The following AK7 variants were observed in gnomAD, a reference collection of about 807,000 sequenced individuals.
AK7 encodes adenylate kinase 7.
Under a neutral mutation model 96.6 loss-of-function variants are expected in AK7, and 78 were observed. The ratio of observed to expected loss-of-function variants is 0.81; its 90% confidence interval spans 0.67 to 0.97. The LOEUF (loss-of-function observed/expected upper bound fraction) is 0.97, where lower values mean the gene tolerates loss of function less well. AK7 is among the 50% of genes least tolerant of loss of function. AK7 has a pLI of 0.00. For missense variants in AK7, 855 were observed against 887.9 expected (o/e 0.96, Z 0.47); for synonymous variants, 302 against 317.2 (o/e 0.95, Z 0.51).
intron 5 of AK7, chr14:96,424,069 G>GGTCT (rs1891873168): frequency 9.8e-6 from 7 of 716,960 alleles, no homozygotes; most frequent in Non-Finnish European, 1.6e-5. Flanking sequence ...AATGCTGGTG[G>GGTCT]GTCTGTTCTT....
intron 12 of AK7, among the ~76,000 whole-genome samples, chr14:96,467,168 C>T (rs1894616944): frequency 6.6e-6 from 1 of 151,588 alleles, no homozygotes; most frequent in Non-Finnish European, 1.5e-5. Context: ...ATATTTTAAA[C>T]AAGTCCGTTG....
At chr14:96,477,489 C>G (rs1895252098) in intron 14 of AK7, among the ~76,000 whole-genome samples, 1 of 152,218 alleles carries the variant, frequency 6.6e-6, no homozygotes, top group Admixed American at 6.5e-5. Context: ...ATCTGGGCAC[C>G]AGTATACCCT....
chr14:96,393,298 C>T (rs965645933), intron 1 of AK7, among the ~76,000 whole-genome samples: 5 of 152,232 alleles, frequency 3.3e-5, no homozygotes, highest in African/African-American at 1.2e-4. Flanking sequence ...CTAATGACTG[C>T]ACTTTCGAAC....
intron 4 of AK7, among the ~76,000 whole-genome samples, chr14:96,415,579 T>C (rs1482375202): frequency 5.9e-5 from 9 of 151,952 alleles, no homozygotes; most frequent in Non-Finnish European, 1.2e-4. Context: ...TTAGGAACAC[T>C]ACTTATGGGA....
rs796802262 is a variant in AK7, at chr14:96,415,541, C to T, written c.499-5281C>T. ...CAAAGAAAAAACAGCAGAGGCAGGC[C>T]AGCCCATGGTGCCTGGAGCCACCCG... On this transcript the variant is annotated intron_variant, in intron 4 of 17. Transcript: ENST00000267584. 2.0e-5 allele frequency among the ~76,000 whole-genome samples: 3 copies of T among 151,820 alleles called. No individual in the cohort carries two copies. In the East Asian group the frequency reaches 5.8e-4, roughly 29 times the overall value.
intron 10 of AK7, among the ~76,000 whole-genome samples, chr14:96,454,342 A>T (rs1355893864): frequency 6.6e-6 from 1 of 152,002 alleles, no homozygotes; most frequent in Non-Finnish European, 1.5e-5. Context: ...TATGTTACTG[A>T]TATTTTGACC....
chr14:96,438,036 G>T, intron 6 of AK7, 121 bp downstream of exon 6: 2 of 708,334 alleles, frequency 2.8e-6, no homozygotes, highest in Non-Finnish European at 4.6e-6. Flanking sequence ...GAAGATGAAG[G>T]CAAGTATGGA....
chr14:96,394,327 T>C (rs1889931628), intron 1 of AK7, among the ~76,000 whole-genome samples: 1 of 152,208 alleles, frequency 6.6e-6, no homozygotes, highest in Non-Finnish European at 1.5e-5. Context: ...ATGAGACTTT[T>C]AGGGGCCCAC....
At chr14:96,415,539 G>T (rs966732423) in intron 4 of AK7, among the ~76,000 whole-genome samples, 15 of 151,742 alleles carry the variant, frequency 9.9e-5, no homozygotes, top group Non-Finnish European at 1.6e-4. Flanking sequence ...GCAGAGGCAG[G>T]CCAGCCCATG....
At chr14:96,485,826 T>G (rs1475617065) in intron 16 of AK7, among the ~76,000 whole-genome samples, 3 of 150,272 alleles carry the variant, frequency 2.0e-5, no homozygotes, top group Admixed American at 2.0e-4. Context: ...GACGGAGTCT[T>G]GCTCTGTCGC....
At chr14:96,412,226 CTTTTTT>C (rs34331496) in intron 4 of AK7, among the ~76,000 whole-genome samples, 2 of 121,018 alleles carry the variant, frequency 1.7e-5, no homozygotes, top group African/African-American at 3.2e-5. Flanking sequence ...TTCTTTCTTT[CTTTTTT>C]TTTTTTTTTT....
In AK7 at chr14:96,400,100, G is replaced by A. The variant is rs562087407; in HGVS notation, c.294+1837G>A. Among the ~76,000 whole-genome samples the A allele has an allele frequency of 1.5e-4, 22 of 142,718 alleles. 1 individual carries two copies. The South Asian group carries it at 5.1e-3, about 33-fold the overall frequency. The allele number at this position is 142,718 out of a possible 152,430, so 93.6% of individuals were successfully genotyped here. Reference sequence around the variant, plus strand: ...GTTGCCCAGACTGAAGTGCAGTGGCGCGATCTCGGCTTACTGCAACCTTCG... The same window carrying A: ...GTTGCCCAGACTGAAGTGCAGTGGCACGATCTCGGCTTACTGCAACCTTCG... On this transcript the variant is annotated intron_variant, in intron 2 of 17. Coordinates refer to ENST00000267584, the MANE Select transcript of AK7 (RefSeq NM_152327.5).
intron 12 of AK7, among the ~76,000 whole-genome samples, chr14:96,464,709 C>CTAT (rs150667492): frequency 0.024 from 3,722 of 152,152 alleles, 58 homozygotes; most frequent in Non-Finnish European, 0.031. Context: ...TACAAGTGTA[C>CTAT]TATTATCTTT....
chr14:96,457,995 GC>G, intron 11 of AK7, 87 bp from the exon 12 acceptor site: 1 of 1,557,404 alleles, frequency 6.4e-7, no homozygotes, highest in Non-Finnish European at 8.7e-7. Context: ...TGGATCCCAA[GC>G]TTTTTCCAGG....
intron 12 of AK7, among the ~76,000 whole-genome samples, chr14:96,468,784 T>G (rs1894725896): frequency 6.6e-6 from 1 of 152,160 alleles, no homozygotes; most frequent in South Asian, 2.1e-4. Context: ...GAATATGTGT[T>G]CATATGAACA....
intron 15 of AK7, among the ~76,000 whole-genome samples, chr14:96,479,856 T>C (rs1002360240): frequency 6.6e-6 from 1 of 152,162 alleles, no homozygotes; most frequent in Non-Finnish European, 1.5e-5. Context: ...CTCCAGGGGC[T>C]GCTCTCTACC....
intron 12 of AK7, among the ~76,000 whole-genome samples, chr14:96,465,013 G>GATCCA (rs1370637295): frequency 6.6e-6 from 1 of 152,168 alleles, no homozygotes; most frequent in African/African-American, 2.4e-5. Flanking sequence ...GGATCCAACT[G>GATCCA]TACCCTAGAA....
At chr14:96,392,320 C>CAGCGAG in intron 1 of AK7, 61 bp downstream of exon 1, 1 of 1,479,112 alleles carries the variant, frequency 6.8e-7, no homozygotes, top group Non-Finnish European at 9.4e-7. Flanking sequence ...CCTCGGCCCC[C>CAGCGAG]GGTCCGCAAA....
intron 6 of AK7, among the ~76,000 whole-genome samples, chr14:96,438,121 A>G (rs1390806257): frequency 6.6e-6 from 1 of 152,220 alleles, no homozygotes; most frequent in African/African-American, 2.4e-5. Context: ...AATGAAAAAG[A>G]CGTATCTCCT....
Sources: gnomAD v4.1 joint callset for allele counts (sites outside exome capture counted in the v4.1 genomes callset) on GRCh38, gnomAD v4.1.1 for gene constraint, MANE v1.5 for transcripts, NCBI Gene and HGNC (gene_info 2026-07-23, HGNC 2026-07-21) for gene names.